The following SNAPC3 variants were observed in gnomAD, a reference collection of about 807,000 sequenced individuals.
SNAPC3 encodes the protein snRNA-activating protein complex subunit 3.
In SNAPC3, 56 loss-of-function variants were observed where a neutral mutation model predicts 47.7. The ratio of observed to expected loss-of-function variants is 1.18; its 90% confidence interval spans 0.95 to 1.47. The LOEUF (loss-of-function observed/expected upper bound fraction) is 1.47. Among genes scored for constraint, SNAPC3 ranks in the 40% most tolerant of loss-of-function variants. The pLI, the probability that SNAPC3 is intolerant of heterozygous loss-of-function variation, is 0.00. For missense variants in SNAPC3, 665 were observed against 511.3 expected, an observed-to-expected ratio of 1.30 and a Z score of -2.90; for synonymous variants, 235 against 189.9, an observed-to-expected ratio of 1.24 and a Z score of -1.95.
At chr9:15,439,597 C>T (rs1170364338) in intron 3 of SNAPC3, among the ~76,000 whole-genome samples, 3 of 152,098 alleles carry the variant, frequency 2.0e-5, no homozygotes, top group Admixed American at 6.5e-5. Flanking sequence ...TGCAGTGGCC[C>T]GATCTCGGCT....
At chr9:15,437,805 A>G (rs1308939256) in intron 3 of SNAPC3, among the ~76,000 whole-genome samples, 1 of 152,232 alleles carries the variant, frequency 6.6e-6, no homozygotes, top group Non-Finnish European at 1.5e-5. Flanking sequence ...TTAGAAATCA[A>G]TAACAGAAGA....
chr9:15,447,819 A>G (rs2034066668), intron 5 of SNAPC3, among the ~76,000 whole-genome samples: 1 of 152,144 alleles, frequency 6.6e-6, no homozygotes, highest in Non-Finnish European at 1.5e-5. Flanking sequence ...CCAATACCCA[A>G]CAAGGAGAGA....
chr9:15,447,370 C>CAT (rs2034024563), intron 5 of SNAPC3, 126 bp downstream of exon 5: 2 of 434,776 alleles, frequency 4.6e-6, no homozygotes, highest in Non-Finnish European at 7.9e-6. Context: ...TCAAACTACA[C>CAT]TATCTCATTC....
chr9:15,465,585 A>T (rs769278782), downstream of SNAPC3: 6 of 1,572,658 alleles, frequency 3.8e-6, no homozygotes, highest in East Asian at 2.2e-5. Context: ...GATGGCCTGA[A>T]GAAAAGGGGG....
Position 15,460,006 on chromosome 9 carries a change from C to T in SNAPC3, c.*140C>T, listed in dbSNP as rs1284955195. On this transcript the variant is annotated 3_prime_UTR_variant, in exon 9 of 9. Coordinates refer to ENST00000380821, the MANE Select transcript of SNAPC3 (RefSeq NM_001039697.2). ...AGCTATCAAAAAAAAGTCCAAATGA[C>T]AGATTTTCTTATAATGATAGTATTT... 1.5e-5 allele frequency: 8 copies of T among 535,366 alleles called. No homozygotes were observed. Among genetic ancestry groups the T allele is most frequent in the Admixed American group, 3.8e-5 (1 of 26,650 alleles). The allele number at this position is 535,366 out of a possible 1,614,324, so 33.2% of individuals were successfully genotyped here.
intron 3 of SNAPC3, among the ~76,000 whole-genome samples, chr9:15,442,242 C>T (rs7871517): frequency 0.71 from 76,500 of 107,044 alleles, 31,897 homozygotes; most frequent in Non-Finnish European, 0.85. Context: ...GCTGGCCGGG[C>T]GGGGGCTGCC....
intron 3 of SNAPC3, among the ~76,000 whole-genome samples, chr9:15,440,074 G>T (rs2033188111): frequency 6.6e-6 from 1 of 152,036 alleles, no homozygotes; most frequent in Non-Finnish European, 1.5e-5. Context: ...CCACATCTTT[G>T]TCTGTCCCTC....
At chr9:15,430,577 TAGTAATTTATACCA>T (rs2032009288) in intron 2 of SNAPC3, among the ~76,000 whole-genome samples, 2 of 152,238 alleles carry the variant, frequency 1.3e-5, no homozygotes, top group African/African-American at 4.8e-5. Flanking sequence ...ATCCCATTTC[TAGTAATTTATACCA>T]AAGGTACCCC....
At chr9:15,427,005 A>G (rs192807801) in intron 2 of SNAPC3, among the ~76,000 whole-genome samples, 8 of 152,102 alleles carry the variant, frequency 5.3e-5, no homozygotes, top group Non-Finnish European at 8.8e-5. Context: ...TTCCTCACCA[A>G]TAATTTCACA....
chr9:15,466,111 G>C (rs1385662443), downstream of SNAPC3, among the ~76,000 whole-genome samples: 1 of 151,702 alleles, frequency 6.6e-6, no homozygotes, highest in African/African-American at 2.4e-5. Flanking sequence ...CGGGCATGTT[G>C]GCTCACAGCT....
At chr9:15,428,470 C>G (rs1019467091) in intron 2 of SNAPC3, among the ~76,000 whole-genome samples, 1 of 143,852 alleles carries the variant, frequency 7.0e-6, no homozygotes, top group East Asian at 2.1e-4. Context: ...GATCACGCCA[C>G]TGCACTCCAG....
chr9:15,459,966 T>A lies in SNAPC3; in HGVS notation c.*100T>A. On this transcript the variant is annotated 3_prime_UTR_variant, in exon 9 of 9. Coordinates refer to ENST00000380821, the MANE Select transcript of SNAPC3 (RefSeq NM_001039697.2). ...CGCCACTGAGGAACAGGATCCACTT[T>A]GAACAGTCCGCTAAAGCTATCAAAA... The A allele has an allele frequency of 9.6e-7, 1 of 1,045,046 alleles. No individual in the cohort carries two copies. The highest frequency in any genetic ancestry group is 2.5e-5 in the Admixed American group (1 of 39,654). 64.7% of individuals were successfully genotyped at this position (1,045,046 alleles called of 1,614,324 possible). A position where few individuals can be genotyped will look rare whatever the true frequency, so the allele number is the denominator to read the frequency against.
chr9:15,443,318 G>T (rs2033661457), intron 3 of SNAPC3, among the ~76,000 whole-genome samples: 1 of 152,166 alleles, frequency 6.6e-6, no homozygotes, highest in African/African-American at 2.4e-5. Context: ...CAATGTCTGG[G>T]CTTCCTCAGG....
intron 6 of SNAPC3, 141 bp from the exon 7 acceptor site, chr9:15,452,900 T>A: frequency 1.7e-6 from 1 of 602,726 alleles, no homozygotes; most frequent in Non-Finnish European, 2.8e-6. Flanking sequence ...TGTCAAACAT[T>A]TTGGTCTTCA....
intron 3 of SNAPC3, among the ~76,000 whole-genome samples, chr9:15,439,843 A>G (rs1260799850): frequency 6.6e-6 from 1 of 152,192 alleles, no homozygotes; most frequent in Non-Finnish European, 1.5e-5. Context: ...CAGGATTACA[A>G]TTAAATCTTA....
intron 3 of SNAPC3, among the ~76,000 whole-genome samples, chr9:15,437,432 C>T (rs2032927138): frequency 6.6e-6 from 1 of 151,874 alleles, no homozygotes; most frequent in Non-Finnish European, 1.5e-5. Context: ...AGAGTTTCAC[C>T]ATGTTGGTGA....
intron 3 of SNAPC3, among the ~76,000 whole-genome samples, chr9:15,441,641 T>C (rs1293151296): frequency 6.6e-6 from 1 of 151,974 alleles, no homozygotes; most frequent in Admixed American, 6.6e-5. Context: ...ACAAAGCACA[T>C]CTTGCACCGC....
chr9:15,465,414 C>T, downstream of SNAPC3: 1 of 1,018,738 alleles, frequency 9.8e-7, no homozygotes, highest in South Asian at 1.5e-5. Flanking sequence ...AACAAGTTTT[C>T]AACATCAAAC....
intron 4 of SNAPC3, among the ~76,000 whole-genome samples, chr9:15,446,558 C>T (rs1387974937): frequency 1.3e-5 from 2 of 152,110 alleles, no homozygotes; most frequent in African/African-American, 4.8e-5. Flanking sequence ...CATGGAGAGG[C>T]TATAATGCCT....
Sources: allele counts gnomAD v4.1 joint callset (sites outside exome capture counted in the v4.1 genomes callset), GRCh38; gene constraint gnomAD v4.1.1; transcripts MANE v1.5; gene names NCBI Gene and HGNC (gene_info 2026-07-23, HGNC 2026-07-21).